CEP85L: variants seen among roughly 807,000 people sequenced by gnomAD.
CEP85L encodes centrosomal protein 85L.
In CEP85L, 60 loss-of-function variants were observed where a neutral mutation model predicts 100.3. That is an observed-to-expected ratio of 0.60 (90% confidence interval 0.49 to 0.74). CEP85L has a LOEUF of 0.74. CEP85L is among the 30% of genes least tolerant of loss of function. CEP85L has a pLI of 0.00. For synonymous variants in CEP85L, 319 were observed against 322.7 expected (o/e 0.99, Z 0.12); for missense variants, 973 against 936.2 (o/e 1.04, Z -0.51).
At chr6:118,685,979 T>C (rs1242110623) in intron 1 of CEP85L, among the ~76,000 whole-genome samples, 1 of 152,166 alleles carries the variant, frequency 6.6e-6, no homozygotes, top group Non-Finnish European at 1.5e-5. Context: ...GCTTGGAATG[T>C]GTATGATCTC....
At chr6:118,483,266 G>A (rs561514910) in intron 7 of CEP85L, among the ~76,000 whole-genome samples, 1 of 151,652 alleles carries the variant, frequency 6.6e-6, no homozygotes, top group Non-Finnish European at 1.5e-5. Flanking sequence ...AAAGTCAGAG[G>A]AGTTAATTGA....
intron 2 of CEP85L, among the ~76,000 whole-genome samples, chr6:118,629,103 A>G (rs947786723): frequency 3.3e-5 from 5 of 152,226 alleles, no homozygotes; most frequent in African/African-American, 1.2e-4. Flanking sequence ...CTTACATTGT[A>G]TTACGTATTG....
At chr6:118,622,509 T>C (rs1223180583) in intron 2 of CEP85L, among the ~76,000 whole-genome samples, 2 of 152,206 alleles carry the variant, frequency 1.3e-5, no homozygotes, top group African/African-American at 2.4e-5. Context: ...GGGCAGGCTA[T>C]GCCATAGTTA....
intron 5 of CEP85L, among the ~76,000 whole-genome samples, chr6:118,507,874 A>G (rs1775748137): frequency 6.6e-6 from 1 of 152,266 alleles, no homozygotes; most frequent in South Asian, 2.1e-4. Context: ...AGCACTTCAT[A>G]CATAAACCCT....
chr6:118,609,779 AC>A (rs1407901148), intron 2 of CEP85L, among the ~76,000 whole-genome samples: 3 of 152,210 alleles, frequency 2.0e-5, no homozygotes, highest in Non-Finnish European at 2.9e-5. Flanking sequence ...TGAAAAAAAA[AC>A]GTAGGTGGAA....
intron 2 of CEP85L, among the ~76,000 whole-genome samples, chr6:118,578,245 C>T (rs911122519): frequency 6.6e-5 from 10 of 152,146 alleles, no homozygotes; most frequent in African/African-American, 9.7e-5. Flanking sequence ...TCCAAACACC[C>T]CTTAAACTTA....
chr6:118,509,847 A>C (rs1435031667), intron 5 of CEP85L, among the ~76,000 whole-genome samples: 1 of 152,148 alleles, frequency 6.6e-6, no homozygotes, highest in East Asian at 1.9e-4. Flanking sequence ...ACAAGTTTTA[A>C]AGGAAGCTCT....
At chr6:118,517,370 C>A (rs1255361605) in intron 4 of CEP85L, among the ~76,000 whole-genome samples, 1 of 152,162 alleles carries the variant, frequency 6.6e-6, no homozygotes, top group Non-Finnish European at 1.5e-5. Flanking sequence ...TATCCCTATC[C>A]ATGAGCATGG....
chr6:118,572,983 AC>A (rs1779997350), intron 2 of CEP85L, among the ~76,000 whole-genome samples: 1 of 152,094 alleles, frequency 6.6e-6, no homozygotes, highest in Non-Finnish European at 1.5e-5. Flanking sequence ...AATCACTTGA[AC>A]CCAGGAGGCA....
At chr6:118,598,718 A>G (rs1781576238) in intron 2 of CEP85L, among the ~76,000 whole-genome samples, 1 of 152,232 alleles carries the variant, frequency 6.6e-6, no homozygotes, top group South Asian at 2.1e-4. Flanking sequence ...TATAGTCTCC[A>G]AAACTGTGAG....
At chr6:118,489,398 G>A (rs377002747) in intron 6 of CEP85L, among the ~76,000 whole-genome samples, 12 of 152,068 alleles carry the variant, frequency 7.9e-5, no homozygotes, top group Non-Finnish European at 1.6e-4. Flanking sequence ...TGAAATAAAG[G>A]GATGCTAAAC....
At chr6:118,523,719 T>C in intron 4 of CEP85L, 83 bp downstream of exon 4, 1 of 622,246 alleles carries the variant, frequency 1.6e-6, no homozygotes, top group Non-Finnish European at 2.8e-6. Context: ...TCTTAAATTC[T>C]ATGTAGTGGA....
rs757797900 is a variant in CEP85L at position 118,559,069 on chromosome 6, A to C, written c.1020+6460T>G. ...TCTCTTGCTGATCTGTATCATCGTG[A>C]TGCTTCTCTGAAGTTCTGCTACAAC... On this transcript the variant is annotated intron_variant, in intron 3 of 12. Transcript: ENST00000368491. 4 of 1,611,742 alleles carry C rather than the reference A, an allele frequency of 2.5e-6. No individual in the cohort carries two copies. The South Asian group carries it at 4.4e-5, about 18-fold the overall frequency.
At chr6:118,561,206 A>C (rs1267163875) in intron 3 of CEP85L, among the ~76,000 whole-genome samples, 2 of 152,172 alleles carry the variant, frequency 1.3e-5, no homozygotes, top group Non-Finnish European at 2.9e-5. Flanking sequence ...AACAAGTAGA[A>C]AGCTTATAAA....
At chr6:118,690,435 G>A (rs191331266) in intron 1 of CEP85L, among the ~76,000 whole-genome samples, 148 of 152,194 alleles carry the variant, frequency 9.7e-4, no homozygotes, top group African/African-American at 3.5e-3. Context: ...TCCCTGGCCG[G>A]ACTCTGAATC....
At position 118,483,828 on chromosome 6, in the gene CEP85L, G is replaced by T; in HGVS notation, c.1468C>A (p.Leu490Met). The change falls in exon 7 of 13, where the codon CTG becomes ATG. Residue 490 changes from leucine to methionine, a missense_variant. Transcript: ENST00000368491. Reference sequence around the variant, plus strand: ...GATTCCTTCTGGCATTTCTTTTTCAGACTACTGATGTATCGATCTCTAGTT... The same window carrying T: ...GATTCCTTCTGGCATTTCTTTTTCATACTACTGATGTATCGATCTCTAGTT... ...LKTRDRYISS[L>M]KKKCQKESEQ... 1.9e-6 allele frequency: 3 copies of T among 1,613,574 alleles called. No homozygotes were observed. The highest frequency in any genetic ancestry group is 2.5e-6 in the Non-Finnish European group (3 of 1,179,796).
At chr6:118,474,087 T>C (rs1773169619) in intron 10 of CEP85L, among the ~76,000 whole-genome samples, 1 of 152,174 alleles carries the variant, frequency 6.6e-6, no homozygotes, top group African/African-American at 2.4e-5. Flanking sequence ...TGTGAGGAGC[T>C]CCACAGACCT....
intron 2 of CEP85L, among the ~76,000 whole-genome samples, chr6:118,591,133 G>A (rs1190243437): frequency 6.6e-6 from 1 of 152,020 alleles, no homozygotes; most frequent in Admixed American, 6.6e-5. Flanking sequence ...GTAAAACTGA[G>A]GTCCATAAAG....
chr6:118,487,161 GA>G (rs974525134), intron 6 of CEP85L, among the ~76,000 whole-genome samples: 2 of 152,118 alleles, frequency 1.3e-5, no homozygotes, highest in African/African-American at 4.8e-5. Context: ...GAAAGTGGGA[GA>G]AAAAAATAGC....
Sources: gnomAD v4.1 joint callset for allele counts (sites outside exome capture counted in the v4.1 genomes callset) on GRCh38, gnomAD v4.1.1 for gene constraint, MANE v1.5 for transcripts, NCBI Gene and HGNC (gene_info 2026-07-23, HGNC 2026-07-21) for gene names.